Variants in LRRFIP1 observed in about 807,000 individuals in gnomAD.
LRRFIP1 encodes the protein leucine-rich repeat flightless-interacting protein 1.
A neutral mutation model predicts 104.4 loss-of-function variants in LRRFIP1; 62 were observed. The ratio of observed to expected loss-of-function variants is 0.59; its 90% CI spans 0.48 to 0.73. The LOEUF is 0.73. Ranked by LOEUF, LRRFIP1 falls within the 30% of genes least tolerant of loss-of-function variation. LRRFIP1 has a pLI of 0.00. For synonymous variants in LRRFIP1, 300 were observed against 299.0 expected (o/e 1.00, Z -0.03); for missense variants, 796 against 824.5 (o/e 0.97, Z 0.42).
chr2:237,758,979 G>A (rs970670918), intron 18 of LRRFIP1, among the ~76,000 whole-genome samples, 158 bp downstream of exon 18: 7 of 152,212 alleles, frequency 4.6e-5, no homozygotes, highest in African/African-American at 1.7e-4. Context: ...ACAGCGATGA[G>A]ATGTAAAATA....
At chr2:237,767,104 A>G (rs955804659) in intron 19 of LRRFIP1, among the ~76,000 whole-genome samples, 15 of 152,168 alleles carry the variant, frequency 9.9e-5, no homozygotes, top group African/African-American at 3.4e-4. Context: ...TGAGCCTGGG[A>G]GGTCGAGGCT....
chr2:237,702,172 G>A (rs539149440), intron 1 of LRRFIP1, among the ~76,000 whole-genome samples: 8 of 152,258 alleles, frequency 5.3e-5, no homozygotes, highest in African/African-American at 4.8e-5. Context: ...TCTTATCACC[G>A]TACACACCAC....
At chr2:237,665,658 G>A (rs1224060138) in intron 1 of LRRFIP1, among the ~76,000 whole-genome samples, 2 of 152,214 alleles carry the variant, frequency 1.3e-5, no homozygotes, top group East Asian at 1.9e-4. Context: ...ATGTGAAAGC[G>A]ATATTGTGTT....
At chr2:237,685,106 C>A (rs2092249697) in intron 1 of LRRFIP1, among the ~76,000 whole-genome samples, 1 of 10,468 alleles carries the variant, frequency 9.6e-5, no homozygotes, top group Non-Finnish European at 2.1e-4. Flanking sequence ...GTCTCCCTAC[C>A]CTCCCCCCCC....
intron 1 of LRRFIP1, among the ~76,000 whole-genome samples, chr2:237,705,620 C>T (rs947354989): frequency 1.1e-4 from 16 of 151,806 alleles, no homozygotes; most frequent in Middle Eastern, 3.4e-3. Flanking sequence ...GCTGTGATCA[C>T]GCCACTGCAC....
At chr2:237,678,740 T>A (rs1213876165) in intron 1 of LRRFIP1, among the ~76,000 whole-genome samples, 1 of 152,110 alleles carries the variant, frequency 6.6e-6, no homozygotes, top group Non-Finnish European at 1.5e-5. Context: ...ACTCCTGACC[T>A]CAAGTGATCT....
chr2:237,655,994 T>A (rs539676109), intron 1 of LRRFIP1, among the ~76,000 whole-genome samples: 38 of 152,344 alleles, frequency 2.5e-4, no homozygotes, highest in Middle Eastern at 3.4e-3. Context: ...GAATCAACTG[T>A]CAGTCTTTTC....
chr2:237,713,288 A>C (rs756758772), intron 2 of LRRFIP1, among the ~76,000 whole-genome samples: 1 of 152,208 alleles, frequency 6.6e-6, no homozygotes, highest in East Asian at 1.9e-4. Flanking sequence ...GCGAGAACCC[A>C]CTACAGCTTA....
At chr2:237,699,665 T>C (rs1431474506) in intron 1 of LRRFIP1, among the ~76,000 whole-genome samples, 1 of 152,244 alleles carries the variant, frequency 6.6e-6, no homozygotes, top group African/African-American at 2.4e-5. Flanking sequence ...ACAGTGGTTT[T>C]TCTATCTTCC....
chr2:237,652,484 G>A (rs978592549), intron 1 of LRRFIP1, among the ~76,000 whole-genome samples: 4 of 152,258 alleles, frequency 2.6e-5, no homozygotes, highest in African/African-American at 4.8e-5. Context: ...AGCTGGTTCA[G>A]TGGAGTAATG....
chr2:237,648,395 T>G (rs2149371462), intron 1 of LRRFIP1, among the ~76,000 whole-genome samples: 1 of 152,084 alleles, frequency 6.6e-6, no homozygotes, highest in Non-Finnish European at 1.5e-5. Flanking sequence ...AAAAGTGTTC[T>G]ACAAGTGTCC....
At position 237,779,752 on chromosome 2, in the gene LRRFIP1, G is replaced by C; in HGVS notation, c.*220G>C. On this transcript the variant is annotated 3_prime_UTR_variant, in exon 24 of 24. Transcript: ENST00000308482. ...CAGACCCCTGGCCCGGGCTGGCGCC[G>C]ACGCTCAGAACCTGCAGGTACTTCA... The C allele has an allele frequency of 2.3e-6, 1 of 440,908 alleles. No individual in the cohort carries two copies. The highest frequency in any genetic ancestry group is 4.2e-5 in the East Asian group (1 of 23,622). 27.3% of individuals were successfully genotyped at this position (440,908 alleles called of 1,614,324 possible). A position where few individuals can be genotyped will look rare whatever the true frequency, so the allele number is the denominator to read the frequency against.
chr2:237,694,987 G>A (rs2093072043), intron 1 of LRRFIP1, among the ~76,000 whole-genome samples: 1 of 152,176 alleles, frequency 6.6e-6, no homozygotes. Flanking sequence ...AGGTACCTGG[G>A]CCAGGGTCCC....
chr2:237,736,126 A>G lies in LRRFIP1; in HGVS notation c.555+793A>G, dbSNP rs142609532. On this transcript the variant is annotated intron_variant, in intron 10 of 23. Transcript: ENST00000308482. ...TTACTTGACTAAATCCAGTTTTATG[A>G]CTTACTATGCTATTTGTCCAGCCAT... Among the ~76,000 whole-genome samples the G allele has an allele frequency of 6.7e-4, 102 of 152,358 alleles. 2 individuals are homozygous for G. Among genetic ancestry groups the G allele is most frequent in the African/African-American group, 2.3e-3 (95 of 41,580 alleles).
intron 1 of LRRFIP1, among the ~76,000 whole-genome samples, chr2:237,632,429 G>A (rs1329305432): frequency 6.6e-6 from 1 of 152,164 alleles, no homozygotes. Flanking sequence ...TGACTGGCCT[G>A]CCCCCCTCAT....
chr2:237,758,820 A>G lies in LRRFIP1; in HGVS notation c.1316A>G (p.Lys439Arg). 1.2e-6 allele frequency: 2 copies of G among 1,607,540 alleles called. No individual in the cohort carries two copies. Among genetic ancestry groups the G allele is most frequent in the Non-Finnish European group, 1.7e-6 (2 of 1,176,650 alleles). The change falls in exon 18 of 24, where the codon AAG becomes AGG. Residue 439 changes from lysine to arginine, a missense_variant and splice_region_variant. By Grantham distance (26) the Lys-to-Arg change is conservative. Transcript: ENST00000308482. ...GTAGTCATGCTGAAAGAGGAATTAA[A>G]GGTATGAAGCCAAACTACAGTTTTA... ...EEVVMLKEEL[K>R]KHGIILNSEI...
intron 1 of LRRFIP1, among the ~76,000 whole-genome samples, chr2:237,704,299 C>G (rs1297671720): frequency 1.3e-5 from 2 of 151,936 alleles, no homozygotes; most frequent in Admixed American, 6.6e-5. Flanking sequence ...ATTACAGGTG[C>G]CCACCACCAC....
chr2:237,681,511 CCCA>C (rs1214821370), intron 1 of LRRFIP1, among the ~76,000 whole-genome samples: 1 of 151,556 alleles, frequency 6.6e-6, no homozygotes, highest in East Asian at 1.9e-4. Context: ...GCATTACAGG[CCCA>C]TGCTACCATG....
At chr2:237,743,504 C>T (rs2057396139) in intron 11 of LRRFIP1, among the ~76,000 whole-genome samples, 1 of 152,224 alleles carries the variant, frequency 6.6e-6, no homozygotes. Context: ...GCATAGAATA[C>T]TGTTCACCTC....
Sources: gnomAD v4.1 joint callset for allele counts (sites outside exome capture counted in the v4.1 genomes callset) on GRCh38, gnomAD v4.1.1 for gene constraint, MANE v1.5 for transcripts, NCBI Gene and HGNC (gene_info 2026-07-23, HGNC 2026-07-21) for gene names.